SLC4A9: variants seen among roughly 807,000 people sequenced by gnomAD.
SLC4A9 encodes anion exchange protein 4.
A neutral mutation model predicts 103.2 loss-of-function variants in SLC4A9; 102 were observed. That is an observed-to-expected ratio of 0.99 (90% CI 0.84 to 1.17). SLC4A9 has a LOEUF of 1.17. SLC4A9 is among the 50% of genes most tolerant of loss of function. SLC4A9 has a pLI of 0.00. For synonymous variants in SLC4A9, 453 were observed against 483.6 expected (o/e 0.94, Z 0.83); for missense variants, 1,091 against 1,193.7 (o/e 0.91, Z 1.27).
At chr5:140,364,667 T>C (rs1469454166) in intron 11 of SLC4A9, 42 bp downstream of exon 11, 2 of 1,578,324 alleles carry the variant, frequency 1.3e-6, no homozygotes, top group South Asian at 2.3e-5. Context: ...TGAAGAAGGA[T>C]GTAGGGAAGG....
chr5:140,367,792 C>T lies in SLC4A9; in HGVS notation c.2248C>T (p.Pro750Ser). The T allele has an allele frequency of 6.2e-7, 1 of 1,613,946 alleles. No homozygotes were observed. The highest frequency in any genetic ancestry group is 8.5e-7 in the Non-Finnish European group (1 of 1,179,886). The change falls in exon 16 of 22, where the codon CCT (proline) becomes TCT (serine). Residue 750 changes from proline to serine, a missense_variant. Transcript: ENST00000506757. Reference sequence around the variant, plus strand: ...GCTACTCACATCAGCGCTTGGACTGCCTTGGTATGTCTCAGCCACTGTCAT... The same window carrying T: ...GCTACTCACATCAGCGCTTGGACTGTCTTGGTATGTCTCAGCCACTGTCAT... ...LMLLTSALGL[P>S]WYVSATVISL...
At chr5:140,368,515 C>A in intron 16 of SLC4A9, 72 bp from the exon 17 acceptor site, 1 of 1,365,716 alleles carries the variant, frequency 7.3e-7, no homozygotes, top group South Asian at 1.3e-5. Flanking sequence ...TACTGGTATT[C>A]AGCCAGGATC....
At position 140,367,714 on chromosome 5, in the gene SLC4A9, C is replaced by T; in HGVS notation, c.2176-6C>T. On this transcript the variant is annotated splice_region_variant and splice_polypyrimidine_tract_variant and intron_variant, in intron 15 of 21. Coordinates refer to ENST00000506757, the MANE Select transcript of SLC4A9 (RefSeq NM_031467.3). Reference sequence around the variant, plus strand: ...TCATCCTCATTGCCCCCACCACTACCTGCAGAAGGGAGCTGGCTTCCACCT... The same window carrying T: ...TCATCCTCATTGCCCCCACCACTACTTGCAGAAGGGAGCTGGCTTCCACCT... 6.2e-7 allele frequency: 1 copy of T among 1,613,872 alleles called. No homozygotes were observed. Among genetic ancestry groups the T allele is most frequent in the Non-Finnish European group, 8.5e-7 (1 of 1,179,782 alleles).
At position 140,363,534 on chromosome 5, in the gene SLC4A9, C is replaced by G. The variant is rs531755730; in HGVS notation, c.1058C>G (p.Pro353Arg). 2.2e-4 allele frequency: 345 copies of G among 1,552,952 alleles called. 5 individuals are homozygous for G. In the South Asian group the frequency reaches 3.9e-3, roughly 18 times the overall value. ...RHRHGPHAHS[P>R]ELQRTGRLFG... ...CGCCATGGGCCACACGCACACAGCCCGGAGTTGCAGCGGACCGGCAGGTGA... is the reference window on the plus strand; with the variant it reads ...CGCCATGGGCCACACGCACACAGCCGGGAGTTGCAGCGGACCGGCAGGTGA... The change falls in exon 8 of 22, where the codon CCG becomes CGG. Residue 353 changes from proline (P) to arginine (R), a missense_variant. Pro to Arg is a moderately radical substitution (Grantham distance 103, BLOSUM62 -2). Coordinates refer to ENST00000506757, the MANE Select transcript of SLC4A9 (RefSeq NM_031467.3). The surrounding 1 kb of genome is among the most constrained non-coding windows in gnomAD (Gnocchi z 4.5).
At chr5:140,365,754 T>C in intron 12 of SLC4A9, 80 bp from the exon 13 acceptor site, 1 of 1,506,912 alleles carries the variant, frequency 6.6e-7, no homozygotes, top group Non-Finnish European at 9.0e-7. Flanking sequence ...TGTGGGTCCC[T>C]CCTCCCTTGA....
Position 140,372,843 on chromosome 5 carries a change from G to A in SLC4A9, c.*45G>A. On this transcript the variant is annotated splice_region_variant and 3_prime_UTR_variant, in exon 21 of 22. Transcript: ENST00000506757. Reference sequence around the variant, plus strand: ...GTGGAGACCCCAGGAAACAGCATGAGGTGAGGGTGTGAGGGAAGTGCTCCT... The same window carrying A: ...GTGGAGACCCCAGGAAACAGCATGAAGTGAGGGTGTGAGGGAAGTGCTCCT... The A allele has an allele frequency of 6.7e-7, 1 of 1,499,860 alleles. No homozygotes were observed. Among genetic ancestry groups the A allele is most frequent in the Non-Finnish European group, 9.0e-7 (1 of 1,114,104 alleles). 92.9% of individuals were successfully genotyped at this position (1,499,860 alleles called of 1,614,324 possible).
At chr5:140,372,708 T>A (rs770732282) in intron 20 of SLC4A9, 37 bp from the exon 21 acceptor site, 73 of 1,515,200 alleles carry the variant, frequency 4.8e-5, no homozygotes, top group Non-Finnish European at 6.1e-5. Context: ...TGTCTTTCTA[T>A]CTATTCTCAA....
Position 140,363,445 on chromosome 5 carries a change from C to T in SLC4A9, c.969C>T (p.Pro323=). ...GGGTTCCCCTCCTCCTCAGGCTTCC[C>T]TCGCAACAGCGGGAGATCAGAGGTC... The part of the protein sequence containing the change: ...KCLPSQHKRL[P]SQQREIRGPA... The change falls in exon 8 of 22, where the codon CCC becomes CCT. Residue 323 remains proline (P), a synonymous_variant. Transcript: ENST00000506757. This position sits in a 1 kb window ranked among gnomAD's most constrained non-coding sequence, Gnocchi z 4.5. 6.4e-7 allele frequency: 1 copy of T among 1,551,324 alleles called. No homozygotes were observed.
chr5:140,364,339 C>T, intron 10 of SLC4A9, 24 bp from the exon 11 acceptor site: 1 of 1,611,128 alleles, frequency 6.2e-7, no homozygotes, highest in Non-Finnish European at 8.5e-7. Flanking sequence ...GCTAAGCCAG[C>T]CTTCCTGTCT....
chr5:140,361,450 G>A, intron 3 of SLC4A9, 83 bp downstream of exon 3: 6 of 1,156,164 alleles, frequency 5.2e-6, no homozygotes, highest in Non-Finnish European at 7.4e-6. Flanking sequence ...AGGGCTAGAA[G>A]TAGCCCAGGC....
At position 140,360,805 on chromosome 5, in the gene SLC4A9, A is replaced by G; in HGVS notation, c.231-7A>G. 6.2e-7 allele frequency: 1 copy of G among 1,613,388 alleles called. No individual in the cohort carries two copies. The highest frequency in any genetic ancestry group is 1.1e-5 in the South Asian group (1 of 91,020). On this transcript the variant is annotated splice_region_variant and splice_polypyrimidine_tract_variant and intron_variant, in intron 1 of 21. Coordinates refer to ENST00000506757, the MANE Select transcript of SLC4A9 (RefSeq NM_031467.3). ...TCAATAACACTGTCTACCCACCTTC[A>G]TCACAGGTGGGTACTGTTTGAGGAG... is the stretch of plus-strand genomic sequence containing the variant.
Position 140,368,646 on chromosome 5 carries a change from C to G in SLC4A9, c.2414C>G (p.Ala805Gly), listed in dbSNP as rs758107339. 4.3e-6 allele frequency: 7 copies of G among 1,613,450 alleles called. No individual in the cohort carries two copies. The highest frequency in any genetic ancestry group is 5.9e-6 in the Non-Finnish European group (7 of 1,179,658). ...FILTGASIFL[A>G]PVLKFIPMPV... ...CTTACAGGAGCCTCCATCTTCCTGG[C>G]ACCTGTGCTCAAGGTACCTTTGTTA... The change falls in exon 17 of 22, where the codon GCA (alanine) becomes GGA (glycine). Residue 805 changes from alanine (A) to glycine (G), a missense_variant. Ala to Gly is a moderately conservative substitution (Grantham distance 60). Transcript: ENST00000506757.
Position 140,363,358 on chromosome 5 carries a change from G to C in SLC4A9, c.963-81G>C, listed in dbSNP as rs1282011540. On this transcript the variant is annotated intron_variant, in intron 7 of 21. Transcript: ENST00000506757. The surrounding 1 kb of genome is among the most constrained non-coding windows in gnomAD (Gnocchi z 4.5). ...GGCAGAGACAAGAGCAGCCGCTAGG[G>C]GGCAGGGCGCCACGAGCTCTGGACC... 18 of 1,309,628 alleles carry C rather than the reference G, an allele frequency of 1.4e-5. No homozygotes were observed. The highest frequency in any genetic ancestry group is 1.8e-5 in the Non-Finnish European group (17 of 940,396). 81.1% of individuals were successfully genotyped at this position (1,309,628 alleles called of 1,614,324 possible).
intron 21 of SLC4A9, 77 bp downstream of exon 21, chr5:140,372,920 T>C: frequency 1.2e-6 from 1 of 834,724 alleles, no homozygotes; most frequent in Non-Finnish European, 1.8e-6. Flanking sequence ...TCCAGTGTGT[T>C]GGCCAGCCCT....
rs1768727381 is a variant in SLC4A9, at chr5:140,371,569, T to C, written c.2615T>C (p.Leu872Pro). Residue 872 changes from leucine to proline, a missense_variant, in exon 19 of 22, where the codon CTG (leucine) becomes CCG (proline). Physicochemically the swap from Leu to Pro is moderately conservative, Grantham distance 98. Coordinates refer to ENST00000506757, the MANE Select transcript of SLC4A9 (RefSeq NM_031467.3). ...TTCACAGCCATCCAGCTTGCCTGTC[T>C]GGGGCTGCTTTGGATAATCAAGTCT... ...HLFTAIQLAC[L>P]GLLWIIKSTP... 6.2e-7 allele frequency: 1 copy of C among 1,613,928 alleles called. No homozygotes were observed. The highest frequency in any genetic ancestry group is 1.1e-5 in the South Asian group (1 of 91,094).
At position 140,362,938 on chromosome 5, in the gene SLC4A9, C is replaced by G. The variant is rs1174881008; in HGVS notation, c.834C>G (p.Ala278=). ...DPQFQWSVRR[A]SNLHDLLAAL... ...AATTCCAGTGGTCAGTTCGTCGGGC[C>G]AGCAACCTTCATGACCTTCTGGCAG... The change falls in exon 7 of 22, where the codon GCC becomes GCG. Residue 278 remains alanine (A), a synonymous_variant. Transcript: ENST00000506757. The G allele has an allele frequency of 8.1e-6, 13 of 1,613,948 alleles. No homozygotes were observed. The highest frequency in any genetic ancestry group is 1.0e-5 in the Non-Finnish European group (12 of 1,179,880).
Position 140,366,010 on chromosome 5 carries a change from C to G in SLC4A9, c.1887C>G (p.Phe629Leu). 1 of 1,613,986 alleles carries G rather than the reference C, an allele frequency of 6.2e-7. No homozygotes were observed. Among genetic ancestry groups the G allele is most frequent in the Non-Finnish European group, 8.5e-7 (1 of 1,179,850 alleles). ...TCAAGTGTGTAAAGACCAGCCGCTT[C>G]TTCCCCTCTGTGGTGAGTTTCACCT... ...MALKCVKTSR[F>L]FPSVVRKGLS... Residue 629 changes from phenylalanine (F) to leucine (L), a missense_variant, in exon 13 of 22, where the codon TTC becomes TTG. Coordinates refer to ENST00000506757, the MANE Select transcript of SLC4A9 (RefSeq NM_031467.3).
chr5:140,370,432 T>A (rs1768535106), intron 17 of SLC4A9, among the ~76,000 whole-genome samples: 1 of 144,604 alleles, frequency 6.9e-6, no homozygotes, highest in African/African-American at 2.6e-5. Flanking sequence ...GCCACATCAC[T>A]CCAGTCTGGG....
chr5:140,367,100 G>A (rs1163676670), intron 14 of SLC4A9, among the ~76,000 whole-genome samples: 5 of 152,202 alleles, frequency 3.3e-5, no homozygotes, highest in Non-Finnish European at 7.3e-5. Flanking sequence ...TAGGGGGAGA[G>A]GGATCTCTAG....
Sources: allele counts gnomAD v4.1 joint callset (sites outside exome capture counted in the v4.1 genomes callset), GRCh38; gene constraint gnomAD v4.1.1; non-coding constraint Gnocchi (gnomAD v3.1); transcripts MANE v1.5; gene names NCBI Gene and HGNC (gene_info 2026-07-23, HGNC 2026-07-21).